Variants in SPATA31C2 observed in about 807,000 individuals in gnomAD.
SPATA31C2 encodes the protein SPATA31 subfamily C member 2.
A neutral mutation model predicts 11.4 loss-of-function variants in SPATA31C2; 5 were observed. The observed-to-expected ratio is 0.44, with a 90% CI of 0.23 to 0.92. SPATA31C2 has a LOEUF of 0.92. Among genes scored for constraint, SPATA31C2 ranks in the 40% least tolerant of loss-of-function variants. The pLI is 0.24. For synonymous variants in SPATA31C2, 515 were observed against 538.7 expected (o/e 0.96, Z 0.61); for missense variants, 1,353 against 1,368.6 (o/e 0.99, Z 0.18).
At position 88,137,352 on chromosome 9, in the gene SPATA31C2, C is replaced by T. The variant is rs1443703218; in HGVS notation, c.189+906G>A. 1.8e-4 allele frequency among the ~76,000 whole-genome samples: 27 copies of T among 146,792 alleles called. 3 individuals are homozygous for T. Among genetic ancestry groups the T allele is most frequent in the Non-Finnish European group, 2.8e-4 (19 of 66,714 alleles). On this transcript the variant is annotated intron_variant, in intron 1 of 3. Coordinates refer to ENST00000324915, the MANE Select transcript of SPATA31C2 (RefSeq NM_001350978.3). The stretch of plus-strand genomic sequence containing the variant: ...AAAAAAAAAAAGGATCAGCCGGGCG[C>T]GGTGGCTCATGCCTGTAATCCCAGC...
chr9:88,135,765 C>T (rs1402563959), intron 1 of SPATA31C2, among the ~76,000 whole-genome samples: 2 of 137,634 alleles, frequency 1.5e-5, no homozygotes, highest in Non-Finnish European at 3.1e-5. Context: ...GATCTGCCCG[C>T]CTCTGCCTCC....
At position 88,131,173 on chromosome 9, in the gene SPATA31C2, G is replaced by A. The variant is rs751686095; in HGVS notation, c.1864C>T (p.Pro622Ser). The change falls in exon 4 of 4, where the codon CCG becomes TCG. Residue 622 changes from proline (P) to serine (S), a missense_variant. Physicochemically the swap from Pro to Ser is moderately conservative, Grantham distance 74. Transcript: ENST00000324915. ...THVKTSNLAA[P>S]KSRKACVNTA... ...TTCACACAGGCTTTCCTGCTTTTCG[G>A]GGCTGCTAGATTGCTGGTTTTCACG... 6.2e-6 allele frequency: 10 copies of A among 1,611,660 alleles called. No individual in the cohort carries two copies. In the South Asian group the frequency reaches 7.7e-5, roughly 12 times the overall value.
In SPATA31C2 at chr9:88,131,035, G is replaced by T; in HGVS notation, c.2002C>A (p.Pro668Thr). The T allele has an allele frequency of 6.2e-7, 1 of 1,612,028 alleles. No homozygotes were observed. Among genetic ancestry groups the T allele is most frequent in the Non-Finnish European group, 8.5e-7 (1 of 1,179,856 alleles). Residue 668 changes from proline (P) to threonine (T), a missense_variant, in exon 4 of 4, where the codon CCC becomes ACC. Coordinates refer to ENST00000324915, the MANE Select transcript of SPATA31C2 (RefSeq NM_001350978.3). ...TTTTCCAGTTGAAAGCACTGAATGG[G>T]CTTGAGGACCCTGAGGGGTAGACCC... ...RWGLPLRVLK[P>T]IQCFQLEKVS...
Position 88,136,223 on chromosome 9 carries a change from G to A in SPATA31C2, c.189+2035C>T, listed in dbSNP as rs566375460. Among the ~76,000 whole-genome samples, 64 of 144,850 alleles carry A rather than the reference G, an allele frequency of 4.4e-4. No individual in the cohort carries two copies. In the Middle Eastern group the frequency reaches 0.01, roughly 23 times the overall value. ...GCTGGGATTACAGGCGTGAGCCACC[G>A]TGCCGGGCCTGCTGTCTTATTTTAA... On this transcript the variant is annotated intron_variant, in intron 1 of 3. Transcript: ENST00000324915.
chr9:88,133,963 C>G (rs963530749), intron 1 of SPATA31C2, among the ~76,000 whole-genome samples: 1 of 152,144 alleles, frequency 6.6e-6, no homozygotes, highest in Non-Finnish European at 1.5e-5. Flanking sequence ...TTGAGACCAG[C>G]CTAGCCATGG....
Position 88,129,882 on chromosome 9 carries a change from G to C in SPATA31C2, c.3155C>G (p.Ala1052Gly). ...RSCVYGSSAEAERLMTAVGQI... is the reference protein window; with the variant it reads ...RSCVYGSSAEGERLMTAVGQI... ...TCCAACTGCTGTCATGAGCCTCTCA[G>C]CTTCAGCACTGCTGCCGTACACGCA... Residue 1052 changes from alanine (A) to glycine (G), a missense_variant, in exon 4 of 4, where the codon GCT (alanine) becomes GGT (glycine). Ala to Gly is a moderately conservative substitution (Grantham distance 60). Around this residue, in one of 6 missense-constraint regions of SPATA31C2, gnomAD observed 187 missense variants for 205.8 expected, o/e 0.91. Coordinates refer to ENST00000324915, the MANE Select transcript of SPATA31C2 (RefSeq NM_001350978.3). The C allele has an allele frequency of 6.2e-7, 1 of 1,605,614 alleles. No homozygotes were observed. The highest frequency in any genetic ancestry group is 8.5e-7 in the Non-Finnish European group (1 of 1,174,524).
chr9:88,132,195 C>T lies in SPATA31C2; in HGVS notation c.842G>A (p.Ser281Asn). The change falls in exon 4 of 4, where the codon AGT (serine) becomes AAT (asparagine). Residue 281 changes from serine (S) to asparagine (N), a missense_variant. Physicochemically the swap from Ser to Asn is conservative, Grantham distance 46 (BLOSUM62 1). This residue lies in a region of SPATA31C2 where 1,075 missense variants were observed against 992.8 expected (regional missense o/e 1.08). Coordinates refer to ENST00000324915, the MANE Select transcript of SPATA31C2 (RefSeq NM_001350978.3). ...CGACCAGGAGAGGGCAGAAACTTGA[C>T]TGTTTGAGCCGCCAAGGCCTGAGAT... is the stretch of plus-strand genomic sequence containing the variant. ...PGISGLGGSN[S>N]QVSALSWSQE... 3 of 1,610,626 alleles carry T rather than the reference C, an allele frequency of 1.9e-6. No homozygotes were observed. The highest frequency in any genetic ancestry group is 2.5e-6 in the Non-Finnish European group (3 of 1,177,608).
Position 88,132,101 on chromosome 9 carries a change from C to T in SPATA31C2, c.936G>A (p.Arg312=). The T allele has an allele frequency of 1.2e-6, 2 of 1,610,632 alleles. No individual in the cohort carries two copies. Among genetic ancestry groups the T allele is most frequent in the South Asian group, 1.1e-5 (1 of 91,036 alleles). Residue 312 remains arginine (R), a synonymous_variant, in exon 4 of 4, where the codon AGG becomes AGA. Transcript: ENST00000324915. ...AAAGCAGTGGGGACATTGTAGTGTC[C>T]CTTTGGCGGGAAAGATGATCTTGCT... ...SVQQDHLSRQ[R]DTTMSPLLFQ...
In SPATA31C2 at chr9:88,132,602, A is replaced by G; in HGVS notation, c.435T>C (p.His145=). The change falls in exon 4 of 4, where the codon CAT becomes CAC. Residue 145 remains histidine (H), a synonymous_variant. Transcript: ENST00000324915. ...TGGGAGCAGCGTCTTCCGTAGGCTC[A>G]TGAGAGGACCGGGAGGCTCCATCAG... ...RTPDGASRSS[H]EPTEDAAPIV... The G allele has an allele frequency of 1.9e-6, 3 of 1,610,124 alleles. No individual in the cohort carries two copies. Among genetic ancestry groups the G allele is most frequent in the East Asian group, 4.5e-5 (2 of 44,636 alleles).
chr9:88,133,814 T>G, intron 1 of SPATA31C2, 145 bp from the exon 2 acceptor site: 1 of 1,267,368 alleles, frequency 7.9e-7, no homozygotes, highest in Non-Finnish European at 1.1e-6. Flanking sequence ...CCCACTCATG[T>G]TTAAATGGAT....
In SPATA31C2 at chr9:88,131,506, T is replaced by C; in HGVS notation, c.1531A>G (p.Arg511Gly). The change falls in exon 4 of 4, where the codon AGG becomes GGG. Residue 511 changes from arginine (R) to glycine (G), a missense_variant. Arg to Gly is a moderately radical substitution (Grantham distance 125). Around this residue, in one of 6 missense-constraint regions of SPATA31C2, gnomAD observed 1,075 missense variants for 992.8 expected, o/e 1.08. Coordinates refer to ENST00000324915, the MANE Select transcript of SPATA31C2 (RefSeq NM_001350978.3). ...EAQTVKFQLE[R>G]DPCPHLGQIL... The stretch of plus-strand genomic sequence containing the variant: ...TGCCCCAGATGTGGGCATGGGTCCC[T>C]CTCTAGCTGGAACTTCACCGTCTGT... 1.2e-6 allele frequency: 2 copies of C among 1,611,724 alleles called. No individual in the cohort carries two copies. The highest frequency in any genetic ancestry group is 1.7e-6 in the Non-Finnish European group (2 of 1,179,722).
intron 1 of SPATA31C2, among the ~76,000 whole-genome samples, chr9:88,134,556 A>G (rs1254765468): frequency 6.9e-6 from 1 of 144,474 alleles, no homozygotes; most frequent in East Asian, 2.6e-4. Context: ...GCGCTCCCCC[A>G]CAGATGGACT....
rs752625875 is a variant in SPATA31C2 at position 88,131,842 on chromosome 9, T to C, written c.1195A>G (p.Arg399Gly). The change falls in exon 4 of 4, where the codon AGG (arginine) becomes GGG (glycine). Residue 399 changes from arginine to glycine, a missense_variant. By Grantham distance (125) the Arg-to-Gly change is moderately radical (BLOSUM62 -2). This residue lies in a region of SPATA31C2 where 1,075 missense variants were observed against 992.8 expected (regional missense o/e 1.08). Coordinates refer to ENST00000324915, the MANE Select transcript of SPATA31C2 (RefSeq NM_001350978.3). ...TCTAGTTGTTTCTTCAACAAAGGCC[T>C]TTCAGGGTGCTGAGTTTCAGGTAGG... The part of the protein sequence containing the change: ...LSLPETQHPE[R>G]PLLKKQLEGG... 1.1e-4 allele frequency: 178 copies of C among 1,611,254 alleles called. No homozygotes were observed. Among genetic ancestry groups the C allele is most frequent in the Non-Finnish European group, 1.5e-4 (173 of 1,179,402 alleles).
intron 1 of SPATA31C2, among the ~76,000 whole-genome samples, chr9:88,134,392 C>A (rs1440987999): frequency 2.0e-5 from 3 of 150,002 alleles, no homozygotes; most frequent in Non-Finnish European, 4.5e-5. Flanking sequence ...GGCTGGGTCC[C>A]GAGCCACCTG....
chr9:88,135,205 A>G (rs1201041678), intron 1 of SPATA31C2, among the ~76,000 whole-genome samples: 7 of 123,588 alleles, frequency 5.7e-5, no homozygotes, highest in South Asian at 2.7e-4. Flanking sequence ...GAACTCAGCC[A>G]GTTTTCTATT....
chr9:88,135,504 TTTTTTTTTA>T (rs1392221026), intron 1 of SPATA31C2, among the ~76,000 whole-genome samples: 2,206 of 122,828 alleles, frequency 0.018, 137 homozygotes, highest in Admixed American at 0.054. Flanking sequence ...CTCACTTTCC[TTTTTTTTTA>T]TTTTTTTTAT....
intron 1 of SPATA31C2, 30 bp from the exon 2 acceptor site, chr9:88,133,699 G>C (rs755712699): frequency 1.2e-6 from 2 of 1,602,448 alleles, no homozygotes; most frequent in Non-Finnish European, 1.7e-6. Context: ...GAGGAGCTAG[G>C]ACCGGCTCTC....
At position 88,131,836 on chromosome 9, in the gene SPATA31C2, A is replaced by G. The variant is rs1437818136; in HGVS notation, c.1201T>C (p.Leu401=). 3 of 1,611,312 alleles carry G rather than the reference A, an allele frequency of 1.9e-6. No individual in the cohort carries two copies. Among genetic ancestry groups the G allele is most frequent in the Non-Finnish European group, 2.5e-6 (3 of 1,179,450 alleles). ...LPETQHPERP[L]LKKQLEGGLA... is the part of the protein sequence containing the mutation. ...CCACCTTCTAGTTGTTTCTTCAACAAAGGCCTTTCAGGGTGCTGAGTTTCA... is the reference window on the plus strand; with the variant it reads ...CCACCTTCTAGTTGTTTCTTCAACAGAGGCCTTTCAGGGTGCTGAGTTTCA... The change falls in exon 4 of 4, where the codon TTG becomes CTG. Residue 401 remains leucine (L), a synonymous_variant. Coordinates refer to ENST00000324915, the MANE Select transcript of SPATA31C2 (RefSeq NM_001350978.3).
Position 88,130,777 on chromosome 9 carries a change from G to A in SPATA31C2, c.2260C>T (p.His754Tyr). 2 of 1,613,160 alleles carry A rather than the reference G, an allele frequency of 1.2e-6. No homozygotes were observed. Among genetic ancestry groups the A allele is most frequent in the Non-Finnish European group, 1.7e-6 (2 of 1,179,878 alleles). Reference sequence around the variant, plus strand: ...GCTGTAGGAGCCTTCAAGGACCCATGATCATTCGAAGATGGGATCCCTCGC... The same window carrying A: ...GCTGTAGGAGCCTTCAAGGACCCATAATCATTCGAAGATGGGATCCCTCGC... ...APRGIPSSND[H>Y]GSLKAPTAGQ... Residue 754 changes from histidine to tyrosine, a missense_variant, in exon 4 of 4, where the codon CAT becomes TAT. Coordinates refer to ENST00000324915, the MANE Select transcript of SPATA31C2 (RefSeq NM_001350978.3).
Sources: gnomAD v4.1 joint callset for allele counts (sites outside exome capture counted in the v4.1 genomes callset) on GRCh38, gnomAD v4.1.1 for gene constraint, gnomAD v4.1.1 regional missense constraint, MANE v1.5 for transcripts, NCBI Gene and HGNC (gene_info 2026-07-23, HGNC 2026-07-21) for gene names.